CNTN4: variants seen among roughly 807,000 people sequenced by gnomAD.
CNTN4 encodes the protein contactin 4.
Under a neutral mutation model 122.5 loss-of-function variants are expected in CNTN4, and 77 were observed. The ratio of observed to expected loss-of-function variants is 0.63; its 90% CI spans 0.52 to 0.76. The LOEUF is 0.76. Ranked by LOEUF, CNTN4 falls within the 30% of genes least tolerant of loss-of-function variation. The probability of loss-of-function intolerance (pLI) is 0.00; values close to 1 mark genes in which losing one functional copy is unlikely to be tolerated. For missense variants in CNTN4, 1,256 were observed against 1,259.1 expected, an observed-to-expected ratio of 1.00 and a Z score of 0.04; for synonymous variants, 512 against 447.0, an observed-to-expected ratio of 1.15 and a Z score of -1.83.
At chr3:3,036,833 AGAG>A (rs1223562059) in intron 17 of CNTN4, among the ~76,000 whole-genome samples, 2 of 152,164 alleles carry the variant, frequency 1.3e-5, no homozygotes, top group Non-Finnish European at 2.9e-5. Context: ...TACCTTTCTC[AGAG>A]GATAGTTGAA....
At chr3:2,296,492 A>G (rs960085290) in intron 2 of CNTN4, among the ~76,000 whole-genome samples, 1 of 152,160 alleles carries the variant, frequency 6.6e-6, no homozygotes, top group Non-Finnish European at 1.5e-5. Flanking sequence ...GTTAGAAAAA[A>G]AGAGGATGTC....
chr3:2,545,267 T>C (rs1038477597), intron 3 of CNTN4, among the ~76,000 whole-genome samples: 1 of 152,070 alleles, frequency 6.6e-6, no homozygotes, highest in Non-Finnish European at 1.5e-5. Flanking sequence ...TGCCTGAGGA[T>C]TGTTTTATGT....
At position 2,659,108 on chromosome 3, in the gene CNTN4, T is replaced by A. The variant is rs541043315; in HGVS notation, c.56-77107T>A. Among the ~76,000 whole-genome samples the A allele has an allele frequency of 8.5e-5, 13 of 152,134 alleles. No homozygotes were observed. The South Asian group carries it at 1.7e-3, about 19-fold the overall frequency. ...CTGTTCAAAAAAATCACATACTTTGTCTCATTAGAGACAGAATTGATACTC... is the reference window on the plus strand; with the variant it reads ...CTGTTCAAAAAAATCACATACTTTGACTCATTAGAGACAGAATTGATACTC... On this transcript the variant is annotated intron_variant, in intron 4 of 24. Transcript: ENST00000418658.
At chr3:3,020,426 G>A (rs922265325) in intron 14 of CNTN4, among the ~76,000 whole-genome samples, 2 of 152,206 alleles carry the variant, frequency 1.3e-5, no homozygotes, top group African/African-American at 2.4e-5. Context: ...AGTTAATTCC[G>A]ATGAGCTTCA....
intron 2 of CNTN4, among the ~76,000 whole-genome samples, chr3:2,180,256 G>A (rs2036954876): frequency 6.6e-6 from 1 of 151,854 alleles, no homozygotes; most frequent in Non-Finnish European, 1.5e-5. Flanking sequence ...AACATTAAGG[G>A]ACTGCTTTAC....
At chr3:2,887,255 A>C (rs1395630639) in intron 10 of CNTN4, 31 bp downstream of exon 10, 1 of 1,590,204 alleles carries the variant, frequency 6.3e-7, no homozygotes, top group Admixed American at 1.7e-5. Context: ...TATCATTTAT[A>C]GTGCTACAGA....
Position 2,856,940 on chromosome 3 carries a change from A to G in CNTN4, c.455-9812A>G, listed in dbSNP as rs147533702. Among the ~76,000 whole-genome samples, 838 of 152,312 alleles carry G rather than the reference A, an allele frequency of 5.5e-3. 5 individuals are homozygous for G. The highest frequency in any genetic ancestry group is 9.1e-3 in the Non-Finnish European group (616 of 68,028). On this transcript the variant is annotated intron_variant, in intron 7 of 24. Transcript: ENST00000418658. ...TCAAAGCTGCCCTTTGGTAGGATTA[A>G]TCTGACAGCGTTGTATGGGTTGGCC...
chr3:2,741,035 C>T (rs1227621200), intron 5 of CNTN4, among the ~76,000 whole-genome samples: 1 of 152,172 alleles, frequency 6.6e-6, no homozygotes, highest in African/African-American at 2.4e-5. Flanking sequence ...CTTTGCAGCT[C>T]TACTTTGAAC....
chr3:2,843,759 A>G (rs1351330802), intron 7 of CNTN4, among the ~76,000 whole-genome samples: 1 of 152,082 alleles, frequency 6.6e-6, no homozygotes, highest in East Asian at 1.9e-4. Flanking sequence ...GGATACCAGC[A>G]CTGTGTTTCC....
At chr3:2,156,382 A>G (rs114802849) in intron 2 of CNTN4, among the ~76,000 whole-genome samples, 33 of 152,232 alleles carry the variant, frequency 2.2e-4, no homozygotes, top group Non-Finnish European at 4.4e-4. Flanking sequence ...TATACAGCAG[A>G]GTTCATTGCA....
chr3:2,955,720 G>A (rs1307379298), intron 13 of CNTN4, among the ~76,000 whole-genome samples: 1 of 152,194 alleles, frequency 6.6e-6, no homozygotes, highest in Non-Finnish European at 1.5e-5. Flanking sequence ...GGCTGAAAGA[G>A]GGATAGGTTT....
At chr3:2,233,870 C>T (rs543609179) in intron 2 of CNTN4, among the ~76,000 whole-genome samples, 1 of 152,134 alleles carries the variant, frequency 6.6e-6, no homozygotes, top group Non-Finnish European at 1.5e-5. Context: ...TCAGAATTAT[C>T]CATGCCCTTT....
chr3:2,224,453 ATAAGGAAGCT>A (rs1233337050), intron 2 of CNTN4, among the ~76,000 whole-genome samples: 2 of 152,216 alleles, frequency 1.3e-5, no homozygotes, highest in African/African-American at 4.8e-5. Flanking sequence ...GAGAGAGAGC[ATAAGGAAGCT>A]TGCACATGAG....
intron 4 of CNTN4, among the ~76,000 whole-genome samples, chr3:2,639,023 A>G (rs150385977): frequency 2.8e-4 from 43 of 152,228 alleles, no homozygotes; most frequent in African/African-American, 8.7e-4. Flanking sequence ...CTATTTTACA[A>G]TTTGGTCTCA....
chr3:3,043,136 A>G lies in CNTN4; in HGVS notation c.2671A>G (p.Thr891Ala), dbSNP rs1278726135. 11 of 1,614,200 alleles carry G rather than the reference A, an allele frequency of 6.8e-6. No homozygotes were observed. Among genetic ancestry groups the G allele is most frequent in the Admixed American group, 1.7e-5 (1 of 60,024 alleles). The change falls in exon 22 of 25, where the codon ACA (threonine) becomes GCA (alanine). Residue 891 changes from threonine to alanine, a missense_variant. Thr to Ala is a moderately conservative substitution (Grantham distance 58). Coordinates refer to ENST00000418658, the MANE Select transcript of CNTN4 (RefSeq NM_175607.3). Reference sequence around the variant, plus strand: ...TGCTGGGACAGGCCCCTCTAGTGCAACAGTCAATGTGACAACCCGAAAGCC... The same window carrying G: ...TGCTGGGACAGGCCCCTCTAGTGCAGCAGTCAATGTGACAACCCGAAAGCC... The part of the protein sequence containing the change: ...NSAGTGPSSA[T>A]VNVTTRKPPP...
At position 2,215,620 on chromosome 3, in the gene CNTN4, C is replaced by T. The variant is rs538734305; in HGVS notation, c.-145+114981C>T. 1.6e-4 allele frequency among the ~76,000 whole-genome samples: 25 copies of T among 152,138 alleles called. No homozygotes were observed. The South Asian group carries it at 3.5e-3, about 21-fold the overall frequency. On this transcript the variant is annotated intron_variant, in intron 2 of 24. Coordinates refer to ENST00000418658, the MANE Select transcript of CNTN4 (RefSeq NM_175607.3). ...CCCTTAGGCTGGGCGCAGTGGTTCACGCCTGTAATCCCAGCACTTTGGGAG... is the reference window on the plus strand; with the variant it reads ...CCCTTAGGCTGGGCGCAGTGGTTCATGCCTGTAATCCCAGCACTTTGGGAG...
At chr3:2,513,064 A>T (rs2076935559) in intron 3 of CNTN4, among the ~76,000 whole-genome samples, 1 of 152,190 alleles carries the variant, frequency 6.6e-6, no homozygotes, top group African/African-American at 2.4e-5. Context: ...TGGTAAGATG[A>T]AGCAAAAGAC....
At chr3:2,949,812 GTTAC>G (rs943044869) in intron 13 of CNTN4, among the ~76,000 whole-genome samples, 4 of 152,100 alleles carry the variant, frequency 2.6e-5, no homozygotes, top group African/African-American at 7.2e-5. Context: ...GTCTATTTTA[GTTAC>G]TTACAATACC....
chr3:3,043,168 G>C lies in CNTN4; in HGVS notation c.2698+5G>C. 1 of 1,613,922 alleles carries C rather than the reference G, an allele frequency of 6.2e-7. No individual in the cohort carries two copies. The highest frequency in any genetic ancestry group is 8.5e-7 in the Non-Finnish European group (1 of 1,179,934). ...ATGTGACAACCCGAAAGCCACGTAA[G>C]AACAGACTTGCTCAGAAATATTTTG... On this transcript the variant is annotated splice_donor_5th_base_variant and intron_variant, in intron 22 of 24. Transcript: ENST00000418658.
Sources: allele counts gnomAD v4.1 joint callset (sites outside exome capture counted in the v4.1 genomes callset), GRCh38; gene constraint gnomAD v4.1.1; transcripts MANE v1.5; gene names NCBI Gene and HGNC (gene_info 2026-07-23, HGNC 2026-07-21).